EIF4A3: variants seen among roughly 807,000 people sequenced by gnomAD.
EIF4A3 encodes eukaryotic initiation factor 4A-III.
Under a neutral mutation model 55.6 loss-of-function variants are expected in EIF4A3, and 1 was observed. The observed-to-expected ratio is 0.02, with a 90% confidence interval of 0.01 to 0.09. The LOEUF (loss-of-function observed/expected upper bound fraction) is 0.09, where lower values mean the gene tolerates loss of function less well. EIF4A3 is among the 10% of genes least tolerant of loss of function. The pLI, the probability that EIF4A3 is intolerant of heterozygous loss-of-function variation, is 1.00. For missense variants in EIF4A3, 221 were observed against 540.7 expected, an observed-to-expected ratio of 0.41 and a Z score of 5.86; for synonymous variants, 194 against 196.3, an observed-to-expected ratio of 0.99 and a Z score of 0.10.
At chr17:80,146,753 A>G (rs755120547) in intron 1 of EIF4A3, 40 bp downstream of exon 1, 4 of 1,585,344 alleles carry the variant, frequency 2.5e-6, no homozygotes, top group South Asian at 2.2e-5. Context: ...CTCGCCCCCG[A>G]CTCGCCCCCG....
At chr17:80,139,325 T>G in intron 6 of EIF4A3, 163 bp from the exon 7 acceptor site, 1 of 904,140 alleles carries the variant, frequency 1.1e-6, no homozygotes, top group Non-Finnish European at 1.6e-6. Context: ...ACGCGTTCTC[T>G]CCGTCCCTAC....
In EIF4A3 at chr17:80,137,325, G is replaced by A. The variant is rs2039579112; in HGVS notation, c.983+61C>T. ...GGGCCTGCACTTAGGCGGTACATAT[G>A]AAGTGCTTAGACACAGTCTAGCAAA... On this transcript the variant is annotated intron_variant, in intron 9 of 11. Transcript: ENST00000649764. 16 of 1,450,430 alleles carry A rather than the reference G, an allele frequency of 1.1e-5. No homozygotes were observed. In the South Asian group the frequency reaches 1.2e-4, roughly 11 times the overall value. 89.8% of individuals were successfully genotyped at this position (1,450,430 alleles called of 1,614,324 possible).
rs749715611 is a variant in EIF4A3 at position 80,136,343 on chromosome 17, A to C, written c.984-8T>G. 1 of 1,608,896 alleles carries C rather than the reference A, an allele frequency of 6.2e-7. No homozygotes were observed. Among genetic ancestry groups the C allele is most frequent in the Non-Finnish European group, 8.5e-7 (1 of 1,176,274 alleles). On this transcript the variant is annotated splice_region_variant and splice_polypyrimidine_tract_variant and intron_variant, in intron 9 of 11. Coordinates refer to ENST00000649764, the MANE Select transcript of EIF4A3 (RefSeq NM_014740.4). ...GTAGAAATAAGCACTCGGCTGCAAAAAGAAAGAGTGTTTGAGGCGATTAAA... is the reference window on the plus strand; with the variant it reads ...GTAGAAATAAGCACTCGGCTGCAAACAGAAAGAGTGTTTGAGGCGATTAAA...
chr17:80,141,129 C>T (rs967176288), intron 4 of EIF4A3, among the ~76,000 whole-genome samples, 190 bp downstream of exon 4: 4 of 151,908 alleles, frequency 2.6e-5, no homozygotes, highest in Non-Finnish European at 5.9e-5. Flanking sequence ...CGAGAGCACA[C>T]AAGCCACACC....
chr17:80,136,329 C>G lies in EIF4A3; in HGVS notation c.990G>C (p.Val330=). 1 of 1,612,590 alleles carries G rather than the reference C, an allele frequency of 6.2e-7. No individual in the cohort carries two copies. Among genetic ancestry groups the G allele is most frequent in the Non-Finnish European group, 8.5e-7 (1 of 1,179,310 alleles). Residue 330 remains valine (V), a synonymous_variant, in exon 10 of 12, where the codon GTG becomes GTC. Coordinates refer to ENST00000649764, the MANE Select transcript of EIF4A3 (RefSeq NM_014740.4). ...MKEFRSGASR[V]LISTDVWARG... ...TGGCCCAGACATCTGTAGAAATAAG[C>G]ACTCGGCTGCAAAAAGAAAGAGTGT... is the stretch of plus-strand genomic sequence containing the variant.
At chr17:80,144,309 C>T (rs1391708321) in intron 1 of EIF4A3, 65 bp from the exon 2 acceptor site, 21 of 1,460,352 alleles carry the variant, frequency 1.4e-5, no homozygotes, top group Non-Finnish European at 2.0e-5. Context: ...GTACTGTGAG[C>T]TCCTCAGGGG....
intron 1 of EIF4A3, among the ~76,000 whole-genome samples, chr17:80,144,472 A>C (rs929997125): frequency 6.6e-5 from 10 of 151,966 alleles, no homozygotes; most frequent in Non-Finnish European, 1.3e-4. Context: ...ATTTTTAAAA[A>C]ACCACCAAAT....
chr17:80,138,045 C>A (rs2039587247), intron 8 of EIF4A3, 97 bp downstream of exon 8: 9 of 1,475,920 alleles, frequency 6.1e-6, no homozygotes, highest in Non-Finnish European at 8.3e-6. Flanking sequence ...AAAATATGGA[C>A]AAACTGGCCC....
At position 80,147,070 on chromosome 17, in the gene EIF4A3, CCGCTGCCGACCTCGCT is replaced by C. The variant is rs1567852341; in HGVS notation, c.-125_-110del. The C allele has an allele frequency of 1.5e-6, 2 of 1,375,262 alleles. No individual in the cohort carries two copies. Among genetic ancestry groups the C allele is most frequent in the African/African-American group, 3.2e-5 (2 of 62,802 alleles). 85.2% of individuals were successfully genotyped at this position (1,375,262 alleles called of 1,614,324 possible). On this transcript the variant is annotated 5_prime_UTR_variant, in exon 1 of 12. Coordinates refer to ENST00000649764, the MANE Select transcript of EIF4A3 (RefSeq NM_014740.4). Reference sequence around the variant, plus strand: ...CGCTGCCGCTGCCGACCTCGCTGTGCCGCTGCCGACCTCGCTGTGCCGCTGCCGACCTCGCTGTGCC... The same window carrying C: ...CGCTGCCGCTGCCGACCTCGCTGTGCGTGCCGCTGCCGACCTCGCTGTGCC...
chr17:80,140,178 GAGA>G, intron 4 of EIF4A3, 38 bp from the exon 5 acceptor site: 3 of 1,493,356 alleles, frequency 2.0e-6, no homozygotes, highest in Non-Finnish European at 2.7e-6. Flanking sequence ...GGGTGGGAGA[GAGA>G]AACATCCACG....
intron 2 of EIF4A3, 70 bp from the exon 3 acceptor site, chr17:80,141,918 T>C: frequency 7.4e-7 from 1 of 1,352,134 alleles, no homozygotes; most frequent in Admixed American, 1.8e-5. Flanking sequence ...CTCCAAGGCC[T>C]GGGCTCCAGA....
At chr17:80,139,847 A>T in intron 5 of EIF4A3, 97 bp from the exon 6 acceptor site, 1 of 1,495,246 alleles carries the variant, frequency 6.7e-7, no homozygotes, top group Admixed American at 1.9e-5. Context: ...TCATCATTCC[A>T]CTGGTCTCAG....
At chr17:80,138,002 G>A in intron 8 of EIF4A3, 140 bp downstream of exon 8, 1 of 1,132,460 alleles carries the variant, frequency 8.8e-7, no homozygotes, top group Non-Finnish European at 1.3e-6. Flanking sequence ...GTCTACAGCT[G>A]CTTTTACAAG....
At chr17:80,138,505 C>A in intron 7 of EIF4A3, 2 of 512,898 alleles carry the variant, frequency 3.9e-6, no homozygotes, top group Non-Finnish European at 6.9e-6. Context: ...ACATGGAATA[C>A]GATTCTAAAC....
At chr17:80,135,604 A>G (rs1194947513) in intron 11 of EIF4A3, 98 bp from the exon 12 acceptor site, 4 of 1,136,266 alleles carry the variant, frequency 3.5e-6, no homozygotes, top group Non-Finnish European at 5.1e-6. Context: ...ACTTCTCAAA[A>G]CAAAAAACAG....
At chr17:80,142,395 C>T (rs2143997261) in intron 2 of EIF4A3, among the ~76,000 whole-genome samples, 1 of 152,282 alleles carries the variant, frequency 6.6e-6, no homozygotes, top group African/African-American at 2.4e-5. Context: ...TTCTGCTCTC[C>T]TTTCACCTGC....
chr17:80,143,041 T>A (rs2039630576), intron 2 of EIF4A3, among the ~76,000 whole-genome samples: 1 of 152,122 alleles, frequency 6.6e-6, no homozygotes, highest in Non-Finnish European at 1.5e-5. Flanking sequence ...TGTAAAAAAT[T>A]TAAATTTCAA....
At chr17:80,136,987 A>G (rs953700386) in intron 9 of EIF4A3, 1 of 163,818 alleles carries the variant, frequency 6.1e-6, no homozygotes. Context: ...CACACAGCAC[A>G]TATGTTAAGC....
intron 4 of EIF4A3, among the ~76,000 whole-genome samples, chr17:80,140,767 C>G (rs1341154954): frequency 6.6e-6 from 1 of 152,082 alleles, no homozygotes; most frequent in Non-Finnish European, 1.5e-5. Flanking sequence ...AAACATACAT[C>G]TTTATACTAC....
Sources: allele counts gnomAD v4.1 joint callset (sites outside exome capture counted in the v4.1 genomes callset), GRCh38; gene constraint gnomAD v4.1.1; transcripts MANE v1.5; gene names NCBI Gene and HGNC (gene_info 2026-07-23, HGNC 2026-07-21).